PALM2AKAP2: variants seen among roughly 807,000 people sequenced by gnomAD.
PALM2AKAP2 encodes the protein PALM2 and AKAP2 fusion, also known as PALM2-AKAP2 fusion protein.
PALM2AKAP2 carries 37 observed loss-of-function variants against 71.5 expected under a neutral mutation model. That is an observed-to-expected ratio of 0.52 (90% CI 0.40 to 0.68). The LOEUF (loss-of-function observed/expected upper bound fraction) is 0.68, where lower values mean the gene tolerates loss of function less well. Ranked by LOEUF, PALM2AKAP2 falls within the 30% of genes least tolerant of loss-of-function variation. PALM2AKAP2 has a pLI of 0.00. For missense variants in PALM2AKAP2, 1,224 were observed against 1,191.8 expected (o/e 1.03, Z -0.40); for synonymous variants, 468 against 478.8 (o/e 0.98, Z 0.29).
chr9:110,014,825 T>C lies in PALM2AKAP2; in HGVS notation c.497-1129T>C, dbSNP rs1433408099. 3.5e-4 allele frequency among the ~76,000 whole-genome samples: 34 copies of C among 97,790 alleles called. 2 individuals carry two copies. The highest frequency in any genetic ancestry group is 1.2e-3 in the African/African-American group (34 of 28,210). 64.2% of individuals were successfully genotyped at this position (97,790 alleles called of 152,430 possible). On this transcript the variant is annotated intron_variant, in intron 6 of 9. Transcript: ENST00000302798. ...AAAAATGTATATATATATATATATA[T>C]ATATATATATATATATATATATATA... is the stretch of plus-strand genomic sequence containing the variant.
intron 1 of PALM2AKAP2, among the ~76,000 whole-genome samples, chr9:109,764,822 A>T (rs1028430911): frequency 0.012 from 45 of 3,636 alleles, no homozygotes; most frequent in Admixed American, 0.035. Flanking sequence ...ATATTTTTTA[A>T]AAAAAAGAAA....
chr9:109,983,508 T>C (rs1397413855), intron 6 of PALM2AKAP2, among the ~76,000 whole-genome samples: 1 of 152,134 alleles, frequency 6.6e-6, no homozygotes, highest in Non-Finnish European at 1.5e-5. Context: ...CTTAACCCCA[T>C]ATTCTACAAA....
intron 6 of PALM2AKAP2, among the ~76,000 whole-genome samples, chr9:109,985,068 C>G (rs1215967723): frequency 6.6e-6 from 1 of 151,706 alleles, no homozygotes; most frequent in Non-Finnish European, 1.5e-5. Context: ...CCCAGCTACT[C>G]GGGAGGCTGA....
chr9:109,761,593 C>G (rs904833716), intron 1 of PALM2AKAP2, among the ~76,000 whole-genome samples: 52 of 152,274 alleles, frequency 3.4e-4, no homozygotes, highest in African/African-American at 1.1e-3. Flanking sequence ...TCTCATTGTT[C>G]ACCTCCCACT....
chr9:110,018,943 A>T (rs1833027234), intron 7 of PALM2AKAP2, among the ~76,000 whole-genome samples: 1 of 152,208 alleles, frequency 6.6e-6, no homozygotes, highest in Admixed American at 6.5e-5. Flanking sequence ...TAAAACCGCG[A>T]TGAGATACCA....
intron 3 of PALM2AKAP2, among the ~76,000 whole-genome samples, chr9:109,914,828 T>C (rs765812037): frequency 7.9e-5 from 12 of 152,234 alleles, no homozygotes; most frequent in Non-Finnish European, 1.2e-4. Flanking sequence ...GTCAGGAATA[T>C]GCTGGTCTTG....
intron 1 of PALM2AKAP2, among the ~76,000 whole-genome samples, chr9:109,787,461 T>C (rs1357081573): frequency 6.6e-6 from 1 of 152,226 alleles, no homozygotes; most frequent in Non-Finnish European, 1.5e-5. Flanking sequence ...CAGATAAATG[T>C]TGTAACTCCT....
intron 1 of PALM2AKAP2, among the ~76,000 whole-genome samples, chr9:109,646,225 C>T (rs575230473): frequency 2.0e-5 from 3 of 152,144 alleles, no homozygotes; most frequent in Non-Finnish European, 4.4e-5. Context: ...GTACTTGCTG[C>T]CCTCCTGGGT....
chr9:110,121,265 G>C (rs535329830), intron 1 of PALM2AKAP2, among the ~76,000 whole-genome samples: 1 of 152,182 alleles, frequency 6.6e-6, no homozygotes, highest in Admixed American at 6.5e-5. Flanking sequence ...TCACATGTAA[G>C]GGCAAATTGT....
rs552408732 is a variant in PALM2AKAP2 at position 109,865,441 on chromosome 9, C to T, written c.46-2050C>T. Among the ~76,000 whole-genome samples, 259 of 152,172 alleles carry T rather than the reference C, an allele frequency of 1.7e-3. 1 individual carries two copies. The highest frequency in any genetic ancestry group is 3.0e-3 in the Non-Finnish European group (201 of 68,006). ...TCTTAAAGGACTAACATGAACTCTA[C>T]ATCCTTCATGACCATGTCAGTTACA... On this transcript the variant is annotated intron_variant, in intron 1 of 9. Transcript: ENST00000302798.
chr9:109,917,155 G>C (rs1830712889), intron 3 of PALM2AKAP2, among the ~76,000 whole-genome samples: 1 of 152,212 alleles, frequency 6.6e-6, no homozygotes, highest in South Asian at 2.1e-4. Flanking sequence ...ATGCAACAGT[G>C]CTGGTTTTGA....
At chr9:109,777,363 T>C (rs770798166), upstream of PALM2AKAP2, among the ~76,000 whole-genome samples, 1 of 152,236 alleles carries the variant, frequency 6.6e-6, no homozygotes, top group African/African-American at 2.4e-5. Flanking sequence ...CCTTCCTTTT[T>C]GACTGTATCT....
chr9:109,672,374 CT>C (rs1245981229), intron 1 of PALM2AKAP2, among the ~76,000 whole-genome samples: 2 of 152,062 alleles, frequency 1.3e-5, no homozygotes, highest in South Asian at 2.1e-4. Context: ...CGGTTTTTGT[CT>C]TTAATTCTGT....
At chr9:109,953,528 G>A (rs943003652) in intron 6 of PALM2AKAP2, among the ~76,000 whole-genome samples, 1 of 152,160 alleles carries the variant, frequency 6.6e-6, no homozygotes, top group Non-Finnish European at 1.5e-5. Context: ...GCTATGTTAT[G>A]AAAGTGGTGT....
chr9:109,657,951 TG>T (rs1340285223), intron 1 of PALM2AKAP2, among the ~76,000 whole-genome samples: 1 of 151,262 alleles, frequency 6.6e-6, no homozygotes, highest in African/African-American at 2.4e-5. Flanking sequence ...TGTGTGTGTG[TG>T]TGTGTGTGTG....
chr9:110,034,256 C>T (rs1833339249), intron 7 of PALM2AKAP2, among the ~76,000 whole-genome samples: 1 of 152,160 alleles, frequency 6.6e-6, no homozygotes, highest in South Asian at 2.1e-4. Context: ...CTCCTGGGCT[C>T]AAGCAATTCT....
chr9:109,825,993 A>G (rs1432064272), intron 1 of PALM2AKAP2, among the ~76,000 whole-genome samples: 1 of 152,232 alleles, frequency 6.6e-6, no homozygotes, highest in Non-Finnish European at 1.5e-5. Context: ...GACTGGATTA[A>G]GAAAATGTGG....
intron 1 of PALM2AKAP2, chr9:110,048,918 C>T (rs1588077314): frequency 2.1e-6 from 3 of 1,421,816 alleles, no homozygotes; most frequent in Admixed American, 2.9e-5. Flanking sequence ...AAGGGGTGGC[C>T]GAGGAAGGGG....
intron 1 of PALM2AKAP2, among the ~76,000 whole-genome samples, chr9:109,824,619 G>T (rs1828095013): frequency 6.6e-6 from 1 of 152,152 alleles, no homozygotes; most frequent in Non-Finnish European, 1.5e-5. Flanking sequence ...GGACCCTTTG[G>T]TTAAGTCTCC....
Sources: gnomAD v4.1 joint callset for allele counts (sites outside exome capture counted in the v4.1 genomes callset) on GRCh38, gnomAD v4.1.1 for gene constraint, MANE v1.5 for transcripts, NCBI Gene and HGNC (gene_info 2026-07-23, HGNC 2026-07-21) for gene names.